FYN: variants seen among roughly 807,000 people sequenced by gnomAD.
The protein encoded by FYN is tyrosine-protein kinase Fyn.
FYN carries 10 observed loss-of-function variants against 70.2 expected under a neutral mutation model. The observed-to-expected ratio is 0.14, with a 90% CI of 0.09 to 0.24. The LOEUF is 0.24. FYN is among the 10% of genes least tolerant of loss of function. The pLI is 1.00. For synonymous variants in FYN, 236 were observed against 248.6 expected, an observed-to-expected ratio of 0.95 and a Z score of 0.48; for missense variants, 319 against 673.1, an observed-to-expected ratio of 0.47 and a Z score of 5.82.
At chr6:111,782,348 T>G (rs1771206761) in intron 2 of FYN, among the ~76,000 whole-genome samples, 1 of 152,186 alleles carries the variant, frequency 6.6e-6, no homozygotes. Flanking sequence ...TCAGGACTGC[T>G]GAGTCCATCC....
intron 3 of FYN, among the ~76,000 whole-genome samples, chr6:111,756,773 A>C (rs557839621): frequency 4.1e-4 from 63 of 152,312 alleles, no homozygotes; most frequent in Non-Finnish European, 8.8e-4. Context: ...CACATTTATA[A>C]TTTTTTAAAA....
chr6:111,673,941 A>C (rs1288340433), intron 13 of FYN, among the ~76,000 whole-genome samples: 1 of 150,708 alleles, frequency 6.6e-6, no homozygotes, highest in Admixed American at 6.7e-5. Context: ...GCTTTGGTAT[A>C]GCATGTTTTG....
At position 111,857,121 on chromosome 6, in the gene FYN, C is replaced by A. The variant is rs151300881; in HGVS notation, c.-122-10492G>T. Among the ~76,000 whole-genome samples the A allele has an allele frequency of 5.3e-5, 8 of 152,242 alleles. No individual in the cohort carries two copies. The South Asian group carries it at 1.5e-3, about 28-fold the overall frequency. On this transcript the variant is annotated intron_variant, in intron 1 of 13. Transcript: ENST00000354650. ...AAATGAATCCTTTCATAAACTGATA[C>A]TTTATTTAGCACATGAGAACTGAAT...
At chr6:111,836,360 G>A (rs1229436504) in intron 2 of FYN, among the ~76,000 whole-genome samples, 2 of 152,190 alleles carry the variant, frequency 1.3e-5, no homozygotes, top group African/African-American at 4.8e-5. Flanking sequence ...GTGAATGATG[G>A]TTGCCTAATA....
At chr6:111,687,949 C>T (rs571850005) in intron 12 of FYN, among the ~76,000 whole-genome samples, 4 of 152,250 alleles carry the variant, frequency 2.6e-5, no homozygotes, top group Non-Finnish European at 5.9e-5. Context: ...ATGCTCTTAA[C>T]CAGTCCAGGC....
intron 2 of FYN, among the ~76,000 whole-genome samples, chr6:111,791,246 T>TA (rs1372788154): frequency 2.0e-5 from 3 of 152,202 alleles, no homozygotes; most frequent in African/African-American, 7.2e-5. Context: ...AAAATAGAGC[T>TA]ACACAGTCAC....
chr6:111,707,580 G>T (rs1800153548), intron 6 of FYN, among the ~76,000 whole-genome samples: 1 of 152,164 alleles, frequency 6.6e-6, no homozygotes, highest in African/African-American at 2.4e-5. Flanking sequence ...CAGAGGGAGT[G>T]GACTGCGGGC....
At chr6:111,815,325 T>C (rs756860382) in intron 2 of FYN, among the ~76,000 whole-genome samples, 71 of 152,326 alleles carry the variant, frequency 4.7e-4, no homozygotes, top group Non-Finnish European at 8.2e-4. Context: ...ATATTATTTC[T>C]GATTGCATAA....
At chr6:111,679,152 C>T (rs954777006) in intron 12 of FYN, among the ~76,000 whole-genome samples, 3 of 152,200 alleles carry the variant, frequency 2.0e-5, no homozygotes, top group Non-Finnish European at 1.5e-5. Context: ...AAGCTCCTAC[C>T]TGCTTCACGG....
At chr6:111,848,187 G>A (rs1420891759) in intron 1 of FYN, among the ~76,000 whole-genome samples, 23 of 152,226 alleles carry the variant, frequency 1.5e-4, no homozygotes, top group Admixed American at 1.5e-3. Flanking sequence ...CACTTCTGCA[G>A]AGGCTCAGAA....
intron 2 of FYN, among the ~76,000 whole-genome samples, chr6:111,789,326 T>C (rs1370867035): frequency 1.3e-5 from 2 of 152,096 alleles, no homozygotes; most frequent in Non-Finnish European, 2.9e-5. Flanking sequence ...TGGGGCTCAT[T>C]GGCACACATG....
At chr6:111,812,604 C>CTTTTTTT (rs369326017) in intron 2 of FYN, among the ~76,000 whole-genome samples, 2 of 101,284 alleles carry the variant, frequency 2.0e-5, no homozygotes, top group African/African-American at 3.4e-5. Context: ...AGAAATTTTC[C>CTTTTTTT]TTTTTTTTTT....
intron 10 of FYN, among the ~76,000 whole-genome samples, chr6:111,695,818 G>A (rs550015634): frequency 3.3e-5 from 5 of 152,092 alleles, no homozygotes; most frequent in East Asian, 3.9e-4. Flanking sequence ...TAATTTCATC[G>A]CCTGACGTTT....
chr6:111,773,711 G>A (rs1025327398), intron 3 of FYN, among the ~76,000 whole-genome samples: 7 of 151,432 alleles, frequency 4.6e-5, no homozygotes, highest in Non-Finnish European at 7.4e-5. Context: ...AAAAAAAGAT[G>A]AGATAATATC....
At chr6:111,688,822 G>A (rs919164717) in intron 12 of FYN, among the ~76,000 whole-genome samples, 16 of 152,306 alleles carry the variant, frequency 1.1e-4, no homozygotes, top group African/African-American at 2.6e-4. Context: ...CAAGCTGGCC[G>A]GAGATGAGGA....
intron 3 of FYN, among the ~76,000 whole-genome samples, chr6:111,730,994 G>C (rs927258080): frequency 6.6e-6 from 1 of 152,174 alleles, no homozygotes; most frequent in African/African-American, 2.4e-5. Flanking sequence ...AGAACTGGCC[G>C]AGGGCCCAAG....
rs778038868 is a variant in FYN at position 111,700,088 on chromosome 6, T to C, written c.862+16A>G. On this transcript the variant is annotated intron_variant, in intron 9 of 13. Transcript: ENST00000354650. Reference sequence around the variant, plus strand: ...AACGGGGAAGCTAATAAGAGAGTAATTGAGTCTCAGCATACCCATCCATAC... The same window carrying C: ...AACGGGGAAGCTAATAAGAGAGTAACTGAGTCTCAGCATACCCATCCATAC... 2.0e-5 allele frequency: 33 copies of C among 1,612,464 alleles called. No homozygotes were observed. The highest frequency in any genetic ancestry group is 3.3e-5 in the Admixed American group (2 of 59,958).
intron 1 of FYN, among the ~76,000 whole-genome samples, chr6:111,862,953 G>A (rs1369774074): frequency 1.3e-5 from 2 of 152,182 alleles, no homozygotes; most frequent in African/African-American, 2.4e-5. Flanking sequence ...AGATGGTAAT[G>A]GGCTTCTGGC....
At chr6:111,696,738 CAT>C in intron 9 of FYN, 1 of 284,020 alleles carries the variant, frequency 3.5e-6, no homozygotes, top group Non-Finnish European at 6.6e-6. Context: ...TTGGCTCAGT[CAT>C]ATGATTACAC....
Sources: allele counts gnomAD v4.1 joint callset (sites outside exome capture counted in the v4.1 genomes callset), GRCh38; gene constraint gnomAD v4.1.1; transcripts MANE v1.5; gene names NCBI Gene and HGNC (gene_info 2026-07-23, HGNC 2026-07-21).